Variants in DIAPH3 observed in about 807,000 individuals in gnomAD.
DIAPH3 encodes the protein diaphanous related formin 3.
Under a neutral mutation model 144.3 loss-of-function variants are expected in DIAPH3, and 117 were observed. That is an observed-to-expected ratio of 0.81 (90% CI 0.70 to 0.95). The LOEUF (loss-of-function observed/expected upper bound fraction) is 0.95, where lower values mean the gene tolerates loss of function less well. Ranked by LOEUF, DIAPH3 falls within the 40% of genes least tolerant of loss-of-function variation. The pLI is 0.00. For missense variants in DIAPH3, 1,421 were observed against 1,412.7 expected, an observed-to-expected ratio of 1.01 and a Z score of -0.09; for synonymous variants, 519 against 488.9, an observed-to-expected ratio of 1.06 and a Z score of -0.81.
intron 9 of DIAPH3, among the ~76,000 whole-genome samples, chr13:59,997,944 CA>C (rs2052305575): frequency 6.6e-6 from 1 of 152,010 alleles, no homozygotes; most frequent in Admixed American, 6.6e-5. Context: ...TCAGAGGCTG[CA>C]AAAGCTTATT....
intron 24 of DIAPH3, among the ~76,000 whole-genome samples, chr13:59,821,835 C>T (rs1329255416): frequency 1.3e-5 from 2 of 152,144 alleles, no homozygotes; most frequent in Non-Finnish European, 2.9e-5. Context: ...TCTTAACATT[C>T]AATATGCGTT....
chr13:59,667,406 T>C (rs1050461383), intron 27 of DIAPH3, among the ~76,000 whole-genome samples: 4 of 152,210 alleles, frequency 2.6e-5, no homozygotes, highest in Non-Finnish European at 5.9e-5. Context: ...AGGTCCTCAA[T>C]AAATATTTGT....
At chr13:60,039,133 G>C (rs1224247550) in intron 5 of DIAPH3, among the ~76,000 whole-genome samples, 2 of 151,740 alleles carry the variant, frequency 1.3e-5, no homozygotes, top group South Asian at 4.2e-4. Context: ...AAATAATCTA[G>C]TATTTAGCAT....
At chr13:60,048,402 T>A (rs2056187065) in intron 4 of DIAPH3, among the ~76,000 whole-genome samples, 1 of 152,198 alleles carries the variant, frequency 6.6e-6, no homozygotes, top group Non-Finnish European at 1.5e-5. Context: ...GATTAAAAAC[T>A]TCATAACAGA....
chr13:59,858,542 C>G (rs2043389357), intron 22 of DIAPH3, among the ~76,000 whole-genome samples: 1 of 152,072 alleles, frequency 6.6e-6, no homozygotes, highest in Admixed American at 6.6e-5. Flanking sequence ...CTAAAAAGGT[C>G]AGACCAAGGT....
chr13:59,727,587 GC>G, intron 27 of DIAPH3, among the ~76,000 whole-genome samples: 1 of 152,144 alleles, frequency 6.6e-6, no homozygotes, highest in South Asian at 2.1e-4. Flanking sequence ...ATATATATAA[GC>G]CCTGTGCATT....
At chr13:59,874,204 A>G (rs993115954) in intron 21 of DIAPH3, among the ~76,000 whole-genome samples, 2 of 152,170 alleles carry the variant, frequency 1.3e-5, no homozygotes, top group Non-Finnish European at 2.9e-5. Flanking sequence ...ATCCACATCC[A>G]TTCTTTCTAA....
intron 3 of DIAPH3, among the ~76,000 whole-genome samples, chr13:60,109,065 C>T (rs537883043): frequency 2.4e-4 from 37 of 151,982 alleles, no homozygotes; most frequent in African/African-American, 6.3e-4. Flanking sequence ...AAAAGGAGTA[C>T]GCAGAAAACT....
At chr13:60,051,828 T>C (rs1269252330) in intron 4 of DIAPH3, among the ~76,000 whole-genome samples, 4 of 152,108 alleles carry the variant, frequency 2.6e-5, no homozygotes, top group African/African-American at 9.7e-5. Context: ...TACATCAACA[T>C]TCTCAGTGAA....
At chr13:60,111,357 T>G (rs2058562820) in intron 3 of DIAPH3, among the ~76,000 whole-genome samples, 1 of 152,034 alleles carries the variant, frequency 6.6e-6, no homozygotes. Flanking sequence ...ACAAGTTAGG[T>G]CTAAGATCCA....
At chr13:60,089,570 G>A (rs1375560199) in intron 4 of DIAPH3, among the ~76,000 whole-genome samples, 1 of 151,970 alleles carries the variant, frequency 6.6e-6, no homozygotes, top group Non-Finnish European at 1.5e-5. Flanking sequence ...TACATTTATT[G>A]GAAACCATGG....
chr13:60,024,677 A>G (rs2141049867), intron 5 of DIAPH3, among the ~76,000 whole-genome samples: 1 of 152,226 alleles, frequency 6.6e-6, no homozygotes, highest in East Asian at 1.9e-4. Context: ...TTTTATACTG[A>G]AGGCTGAAAA....
At chr13:59,817,645 A>T (rs568530135) in intron 24 of DIAPH3, among the ~76,000 whole-genome samples, 1 of 152,028 alleles carries the variant, frequency 6.6e-6, no homozygotes, top group East Asian at 1.9e-4. Context: ...ATTGTGATTT[A>T]TAAAATGTTT....
At chr13:60,094,890 G>A (rs2058059028) in intron 3 of DIAPH3, among the ~76,000 whole-genome samples, 1 of 152,140 alleles carries the variant, frequency 6.6e-6, no homozygotes, top group African/African-American at 2.4e-5. Context: ...CACTTTTGCT[G>A]CTCTAGTTAG....
intron 13 of DIAPH3, among the ~76,000 whole-genome samples, chr13:59,982,642 G>A (rs552131750): frequency 1.3e-3 from 196 of 151,572 alleles, no homozygotes; most frequent in Non-Finnish European, 2.2e-3. Flanking sequence ...ATGTTATATC[G>A]AAATCTGACA....
chr13:59,708,598 A>G (rs2034556601), intron 27 of DIAPH3, among the ~76,000 whole-genome samples: 1 of 151,934 alleles, frequency 6.6e-6, no homozygotes, highest in Non-Finnish European at 1.5e-5. Context: ...TTTCCATCTC[A>G]GTGTTTTGTG....
At chr13:60,149,374 C>T (rs7987180) in intron 1 of DIAPH3, among the ~76,000 whole-genome samples, 111,511 of 152,012 alleles carry the variant, frequency 0.73, 40,975 homozygotes, top group Admixed American at 0.8. Context: ...AGTAATCATT[C>T]CTAAGATCTT....
chr13:59,964,355 T>C (rs1471618345), intron 17 of DIAPH3, among the ~76,000 whole-genome samples: 2 of 152,084 alleles, frequency 1.3e-5, no homozygotes, highest in Admixed American at 6.6e-5. Flanking sequence ...GAAAAAGCTA[T>C]GTGTATGTAC....
chr13:60,082,308 T>TTA (rs1273732581), intron 4 of DIAPH3, among the ~76,000 whole-genome samples: 1 of 150,618 alleles, frequency 6.6e-6, no homozygotes, highest in African/African-American at 2.4e-5. Flanking sequence ...GAAGACGGCA[T>TTA]ATTAAAGATA....
Sources: gnomAD v4.1 joint callset for allele counts (sites outside exome capture counted in the v4.1 genomes callset) on GRCh38, gnomAD v4.1.1 for gene constraint, MANE v1.5 for transcripts, NCBI Gene and HGNC (gene_info 2026-07-23, HGNC 2026-07-21) for gene names.